NPR1: variants seen among roughly 807,000 people sequenced by gnomAD.
NPR1 encodes the protein natriuretic peptide receptor 1.
NPR1 carries 57 observed loss-of-function variants against 116.9 expected under a neutral mutation model. The ratio of observed to expected loss-of-function variants is 0.49; its 90% CI spans 0.39 to 0.61. The LOEUF is 0.61. NPR1 is among the 20% of genes least tolerant of loss of function. The pLI is 0.00. For synonymous variants in NPR1, 555 were observed against 601.6 expected (o/e 0.92, Z 1.13); for missense variants, 1,096 against 1,409.8 (o/e 0.78, Z 3.56).
chr1:153,684,687 G>A (rs1050806465), intron 7 of NPR1, among the ~76,000 whole-genome samples: 2 of 152,128 alleles, frequency 1.3e-5, no homozygotes, highest in African/African-American at 4.8e-5. Flanking sequence ...ACTGTGCCTG[G>A]CCTCATGTTC....
rs534494922 is a variant in NPR1, at chr1:153,688,228, G to C, written c.2417+7G>C. ...CGTTGCGCAAATTTAACAGGTCCCT[G>C]GTGTTTGTCATGGATCCCCCAGGCC... On this transcript the variant is annotated splice_region_variant and intron_variant, in intron 15 of 21. Coordinates refer to ENST00000368680, the MANE Select transcript of NPR1 (RefSeq NM_000906.4). 6 of 1,612,214 alleles carry C rather than the reference G, an allele frequency of 3.7e-6. No homozygotes were observed. The South Asian group carries it at 6.6e-5, about 18-fold the overall frequency.
chr1:153,682,529 T>C lies in NPR1; in HGVS notation c.1203T>C (p.Ser401=). 6.2e-7 allele frequency: 1 copy of C among 1,614,106 alleles called. No individual in the cohort carries two copies. The highest frequency in any genetic ancestry group is 8.5e-7 in the Non-Finnish European group (1 of 1,179,970). ...CAGGATACCTGAAAATTGATAGCAG[T>C]GGCGATCGGGAAACAGACTTCTCCC... is the stretch of plus-strand genomic sequence containing the variant. ...GVTGYLKIDS[S]GDRETDFSLW... The change falls in exon 5 of 22, where the codon AGT becomes AGC. Residue 401 remains serine, a synonymous_variant. Coordinates refer to ENST00000368680, the MANE Select transcript of NPR1 (RefSeq NM_000906.4).
rs1021184161 is a variant in NPR1 at position 153,687,777 on chromosome 1, C to T, written c.2236C>T (p.Leu746=). ...SGVFHVEGLD[L]SPKEIIERVT... is the part of the protein sequence containing the mutation. ...GGTCTTCCACGTGGAAGGTTTGGAC[C>T]TGAGCCCCAAAGGTGAGAGGAGCAC... The change falls in exon 14 of 22, where the codon CTG becomes TTG. Residue 746 remains leucine, a synonymous_variant. Transcript: ENST00000368680. The T allele has an allele frequency of 1.9e-6, 3 of 1,589,844 alleles. No homozygotes were observed. The African/African-American group carries it at 4.0e-5, about 21-fold the overall frequency.
intron 7 of NPR1, among the ~76,000 whole-genome samples, chr1:153,684,179 G>T (rs1029414461): frequency 2.0e-5 from 3 of 152,098 alleles, no homozygotes; most frequent in Non-Finnish European, 4.4e-5. Context: ...GTTAGCTGAG[G>T]AGGGTGAGCC....
chr1:153,689,210 C>T lies in NPR1; in HGVS notation c.2587C>T (p.Arg863Cys), dbSNP rs1670019279. Residue 863 changes from arginine (R) to cysteine (C), a missense_variant, in exon 17 of 22, where the codon CGT (arginine) becomes TGT (cysteine). Arg to Cys is a radical substitution (Grantham distance 180). Coordinates refer to ENST00000368680, the MANE Select transcript of NPR1 (RefSeq NM_000906.4). This position sits in a 1 kb window ranked among gnomAD's most constrained non-coding sequence, Gnocchi z 5.1. ...LPHSVAEQLK[R>C]GETVQAEAFD... ...TAGCTCAGTGGCTGAGCAGCTGAAG[C>T]GTGGGGAGACGGTGCAGGCCGAAGC... 3.7e-6 allele frequency: 6 copies of T among 1,614,182 alleles called. No homozygotes were observed. Among genetic ancestry groups the T allele is most frequent in the Non-Finnish European group, 4.2e-6 (5 of 1,180,026 alleles).
In NPR1 at chr1:153,679,347, C is replaced by T. The variant is rs1205566487; in HGVS notation, c.239C>T (p.Thr80Met). Residue 80 changes from threonine to methionine, a missense_variant, in exon 1 of 22, where the codon ACG (threonine) becomes ATG (methionine). By Grantham distance (81) the Thr-to-Met change is moderately conservative. Coordinates refer to ENST00000368680, the MANE Select transcript of NPR1 (RefSeq NM_000906.4). The surrounding 1 kb of genome is among the most constrained non-coding windows in gnomAD (Gnocchi z 4.2). ...PDLLPGWTVR[T>M]VLGSSENALG... ...TTGCTGCCGGGCTGGACGGTCCGCACGGTGCTGGGCAGCAGCGAAAACGCG... is the reference window on the plus strand; with the variant it reads ...TTGCTGCCGGGCTGGACGGTCCGCATGGTGCTGGGCAGCAGCGAAAACGCG... 4 of 1,536,776 alleles carry T rather than the reference C, an allele frequency of 2.6e-6. No individual in the cohort carries two copies. Among genetic ancestry groups the T allele is most frequent in the Non-Finnish European group, 3.5e-6 (4 of 1,147,482 alleles).
Position 153,687,197 on chromosome 1 carries a change from C to T in NPR1, c.1936-3C>T. 6.2e-7 allele frequency: 1 copy of T among 1,614,108 alleles called. No homozygotes were observed. ...CAATACCTCTGCCCACTCACATTTCCAGGGCATGCTGTTTCTACACAATGG... is the reference window on the plus strand; with the variant it reads ...CAATACCTCTGCCCACTCACATTTCTAGGGCATGCTGTTTCTACACAATGG... On this transcript the variant is annotated splice_polypyrimidine_tract_variant and splice_region_variant and intron_variant, in intron 12 of 21. Coordinates refer to ENST00000368680, the MANE Select transcript of NPR1 (RefSeq NM_000906.4).
rs189006791 is a variant in NPR1, at chr1:153,693,920, C to T, written c.*506C>T. ...AGTGCACAGGGGAGAAGAGGGGTGG[C>T]GCAGAAGGGTTGGGGGCCTGTATGC... On this transcript the variant is annotated 3_prime_UTR_variant, in exon 22 of 22. Transcript: ENST00000368680. 7 of 397,548 alleles carry T rather than the reference C, an allele frequency of 1.8e-5. No individual in the cohort carries two copies. The highest frequency in any genetic ancestry group is 1.4e-4 in the South Asian group (1 of 7,034). The allele number at this position is 397,548 out of a possible 1,614,324, so 24.6% of individuals were successfully genotyped here. A position where few individuals can be genotyped will look rare whatever the true frequency, so the allele number is the denominator to read the frequency against.
intron 20 of NPR1, among the ~76,000 whole-genome samples, chr1:153,690,760 GATGAAATCCCGTCTC>G (rs1670085419): frequency 6.6e-6 from 1 of 151,814 alleles, no homozygotes; most frequent in African/African-American, 2.4e-5. Context: ...TGACCAACAT[GATGAAATCCCGTCTC>G]TACTAAAAAT....
At chr1:153,688,344 T>G in intron 15 of NPR1, 123 bp downstream of exon 15, 1 of 976,234 alleles carries the variant, frequency 1.0e-6, no homozygotes, top group Non-Finnish European at 1.5e-6. Flanking sequence ...TCCCTGTACA[T>G]AGTCAGCTCC....
intron 11 of NPR1, 79 bp downstream of exon 11, chr1:153,686,829 T>A (rs936645210): frequency 1.9e-4 from 269 of 1,384,162 alleles, no homozygotes; most frequent in Admixed American, 2.6e-4. Context: ...ACCCCAGGCA[T>A]GCCTCGCCCT....
Position 153,680,508 on chromosome 1 carries a change from C to T in NPR1, c.729C>T (p.Tyr243=), listed in dbSNP as rs752048182. 34 of 1,614,032 alleles carry T rather than the reference C, an allele frequency of 2.1e-5. No individual in the cohort carries two copies. In the South Asian group the frequency reaches 3.5e-4, roughly 17 times the overall value. The change falls in exon 2 of 22, where the codon TAC becomes TAT. Residue 243 remains tyrosine (Y), a synonymous_variant. Coordinates refer to ENST00000368680, the MANE Select transcript of NPR1 (RefSeq NM_000906.4). ...CTCTCCGTCTTTCTCCAGTTATCTA[C>T]ATCTGCAGCTCCCCTGATGCCTTCA... ...RTMPRKGRVI[Y]ICSSPDAFRT... is the part of the protein sequence containing the mutation.
At position 153,687,362 on chromosome 1, in the gene NPR1, C is replaced by G. The variant is rs1252229928; in HGVS notation, c.2092+6C>G. On this transcript the variant is annotated splice_donor_region_variant and intron_variant, in intron 13 of 21. Coordinates refer to ENST00000368680, the MANE Select transcript of NPR1 (RefSeq NM_000906.4). ...AGGACACACCGTTTATGCCAGTGAG[C>G]CTTGACTCTTGAACCTAACACCTGC... is the stretch of plus-strand genomic sequence containing the variant. 6.2e-7 allele frequency: 1 copy of G among 1,613,692 alleles called. No individual in the cohort carries two copies. Among genetic ancestry groups the G allele is most frequent in the African/African-American group, 1.3e-5 (1 of 75,028 alleles).
chr1:153,686,730 T>C lies in NPR1; in HGVS notation c.1843T>C (p.Cys615Arg), dbSNP rs533083463. Residue 615 changes from cysteine (C) to arginine (R), a missense_variant, in exon 11 of 22, where the codon TGT (cysteine) becomes CGT (arginine). Cys to Arg is a radical substitution (Grantham distance 180). Coordinates refer to ENST00000368680, the MANE Select transcript of NPR1 (RefSeq NM_000906.4). ...PPNICILTEY[C>R]PRGSLQDILE... ...CAATATCTGCATCCTCACAGAGTAC[T>C]GTCCCCGTGGGAGCCTGCAGGTGAG... The C allele has an allele frequency of 6.2e-7, 1 of 1,613,926 alleles. No homozygotes were observed. The highest frequency in any genetic ancestry group is 1.1e-5 in the South Asian group (1 of 91,074).
intron 5 of NPR1, 87 bp downstream of exon 5, chr1:153,682,676 G>A: frequency 7.2e-6 from 7 of 970,204 alleles, no homozygotes; most frequent in Non-Finnish European, 1.1e-5. Flanking sequence ...CAGGGCACCT[G>A]TTTATCCTGT....
chr1:153,693,965 G>A lies in NPR1; in HGVS notation c.*551G>A, dbSNP rs551302777. On this transcript the variant is annotated 3_prime_UTR_variant, in exon 22 of 22. Coordinates refer to ENST00000368680, the MANE Select transcript of NPR1 (RefSeq NM_000906.4). ...GTATGCCTTGCTTCTACCATGAGCA[G>A]AGACAATTAAAATCTTTATTCCAGT... The A allele has an allele frequency of 1.0e-5, 4 of 396,004 alleles. No individual in the cohort carries two copies. The highest frequency in any genetic ancestry group is 8.2e-5 in the African/African-American group (4 of 48,724). The allele number at this position is 396,004 out of a possible 1,614,324, so 24.5% of individuals were successfully genotyped here. A position where few individuals can be genotyped will look rare whatever the true frequency, so the allele number is the denominator to read the frequency against.
chr1:153,690,502 C>A, intron 20 of NPR1, 120 bp downstream of exon 20: 1 of 659,756 alleles, frequency 1.5e-6, no homozygotes, highest in Non-Finnish European at 2.7e-6. Flanking sequence ...CTCCCAAGTT[C>A]CCCTTCTCAT....
At chr1:153,680,185 C>T (rs1669723832) in intron 1 of NPR1, among the ~76,000 whole-genome samples, 2 of 149,540 alleles carry the variant, frequency 1.3e-5, no homozygotes, top group Admixed American at 1.3e-4. Flanking sequence ...CTCTTCTCCC[C>T]CTCCCTCTCC....
In NPR1 at chr1:153,678,878, G is replaced by A; in HGVS notation, c.-231G>A. The A allele has an allele frequency of 2.0e-6, 1 of 504,182 alleles. No homozygotes were observed. 31.2% of individuals were successfully genotyped at this position (504,182 alleles called of 1,614,324 possible). A position where few individuals can be genotyped will look rare whatever the true frequency, so the allele number is the denominator to read the frequency against. ...TCCTCTCCAGCCCGACGTTCTCCTGGCACCCACCTGCTCCGCGGCGCCCTG... is the reference window on the plus strand; with the variant it reads ...TCCTCTCCAGCCCGACGTTCTCCTGACACCCACCTGCTCCGCGGCGCCCTG... On this transcript the variant is annotated 5_prime_UTR_variant, in exon 1 of 22. Transcript: ENST00000368680. This position sits in a 1 kb window ranked among gnomAD's most constrained non-coding sequence, Gnocchi z 5.8.
Sources: allele counts gnomAD v4.1 joint callset (sites outside exome capture counted in the v4.1 genomes callset), GRCh38; gene constraint gnomAD v4.1.1; non-coding constraint Gnocchi (gnomAD v3.1); transcripts MANE v1.5; gene names NCBI Gene and HGNC (gene_info 2026-07-23, HGNC 2026-07-21).